Variants in SGCD observed in about 807,000 individuals in gnomAD.
The protein encoded by SGCD is sarcoglycan delta, also known as delta-sarcoglycan.
SGCD carries 18 observed loss-of-function variants against 36.6 expected under a neutral mutation model. The observed-to-expected ratio is 0.49, with a 90% CI of 0.34 to 0.73. SGCD has a LOEUF of 0.73. Among genes scored for constraint, SGCD ranks in the 30% least tolerant of loss-of-function variants. SGCD has a pLI of 0.01. For missense variants in SGCD, 387 were observed against 346.7 expected (o/e 1.12, Z -0.92); for synonymous variants, 133 against 130.6 (o/e 1.02, Z -0.12).
At chr5:156,558,469 A>G (rs149349159) in intron 4 of SGCD, among the ~76,000 whole-genome samples, 251 of 152,192 alleles carry the variant, frequency 1.6e-3, no homozygotes, top group Middle Eastern at 3.4e-3. Context: ...CTCCTAAATT[A>G]CTACTTGCAT....
At chr5:156,047,622 C>A (rs1308300178) in intron 1 of SGCD, among the ~76,000 whole-genome samples, 1 of 152,074 alleles carries the variant, frequency 6.6e-6, no homozygotes, top group Non-Finnish European at 1.5e-5. Flanking sequence ...ATATTTTAAG[C>A]CTGCTGCTAA....
At chr5:156,190,531 A>T (rs1763864711) in intron 3 of SGCD, among the ~76,000 whole-genome samples, 1 of 152,162 alleles carries the variant, frequency 6.6e-6, no homozygotes, top group South Asian at 2.1e-4. Flanking sequence ...AACTTCTCCA[A>T]ATCAATAATA....
chr5:156,086,898 T>G (rs1761109916), intron 1 of SGCD, among the ~76,000 whole-genome samples: 1 of 152,248 alleles, frequency 6.6e-6, no homozygotes, highest in African/African-American at 2.4e-5. Context: ...ATAGTGGATA[T>G]GCATTCTGGC....
chr5:156,621,952 C>T (rs973671046), intron 6 of SGCD, among the ~76,000 whole-genome samples: 2 of 152,108 alleles, frequency 1.3e-5, no homozygotes, highest in Non-Finnish European at 2.9e-5. Flanking sequence ...GACAAATAGG[C>T]AAGTTCCCCA....
intron 3 of SGCD, among the ~76,000 whole-genome samples, chr5:156,258,316 T>C (rs1765765011): frequency 6.6e-6 from 1 of 152,182 alleles, no homozygotes; most frequent in South Asian, 2.1e-4. Context: ...GGAAGACCCA[T>C]ATAACTCAGA....
intron 1 of SGCD, among the ~76,000 whole-genome samples, chr5:156,021,116 G>A (rs1221382593): frequency 6.6e-6 from 1 of 152,062 alleles, no homozygotes; most frequent in Non-Finnish European, 1.5e-5. Flanking sequence ...AATACCAATG[G>A]TTCCACTAAT....
At chr5:155,831,459 T>A in the SGCD span, among the ~76,000 whole-genome samples, 1 of 152,230 alleles carries the variant, frequency 6.6e-6, no homozygotes, top group East Asian at 1.9e-4. Context: ...ATTGTCAGAT[T>A]TTTAGGAGAA....
the SGCD span, among the ~76,000 whole-genome samples, chr5:155,845,758 G>A: frequency 6.6e-6 from 1 of 152,170 alleles, no homozygotes; most frequent in Non-Finnish European, 1.5e-5. Context: ...CCTGGGAGGT[G>A]GAGGCTAGGA....
chr5:155,993,427 C>T (rs903504692), intron 1 of SGCD, among the ~76,000 whole-genome samples: 1 of 150,942 alleles, frequency 6.6e-6, no homozygotes, highest in Non-Finnish European at 1.5e-5. Flanking sequence ...TTACTGCAAC[C>T]TCTGCCTCCT....
At chr5:155,882,086 C>T (rs1755898875) in intron 1 of SGCD, among the ~76,000 whole-genome samples, 1 of 152,124 alleles carries the variant, frequency 6.6e-6, no homozygotes, top group Admixed American at 6.5e-5. Context: ...TACTTCCTCC[C>T]ATGAATCATA....
At chr5:156,177,423 G>C (rs1763501112) in intron 3 of SGCD, among the ~76,000 whole-genome samples, 1 of 152,132 alleles carries the variant, frequency 6.6e-6, no homozygotes, top group Admixed American at 6.5e-5. Flanking sequence ...CTGAAAAGTG[G>C]CTTTTGGGTT....
At chr5:156,584,529 C>T (rs1760413083) in intron 4 of SGCD, among the ~76,000 whole-genome samples, 1 of 152,228 alleles carries the variant, frequency 6.6e-6, no homozygotes. Flanking sequence ...GGCACATTCA[C>T]TACCACATGC....
At chr5:156,249,955 G>A (rs1473685804) in intron 3 of SGCD, among the ~76,000 whole-genome samples, 2 of 152,158 alleles carry the variant, frequency 1.3e-5, no homozygotes, top group African/African-American at 2.4e-5. Flanking sequence ...AAACATTCCT[G>A]GGCCATGTGC....
chr5:155,939,644 C>CAAAA, intron 1 of SGCD, among the ~76,000 whole-genome samples: 1 of 127,002 alleles, frequency 7.9e-6, no homozygotes, highest in Non-Finnish European at 1.7e-5. Flanking sequence ...GACTCTCTCT[C>CAAAA]AAAAAAAAAA....
intron 1 of SGCD, among the ~76,000 whole-genome samples, chr5:155,965,465 A>G (rs1757883939): frequency 6.6e-6 from 1 of 152,086 alleles, no homozygotes; most frequent in African/African-American, 2.4e-5. Flanking sequence ...TCTCACTTTA[A>G]TTCTTTGCAT....
chr5:156,652,611 C>T (rs1371310583), intron 7 of SGCD, among the ~76,000 whole-genome samples: 1 of 152,138 alleles, frequency 6.6e-6, no homozygotes, highest in African/African-American at 2.4e-5. Context: ...GCAAAGACTT[C>T]AGTACTGTGT....
intron 4 of SGCD, among the ~76,000 whole-genome samples, chr5:156,572,765 C>T (rs1364553151): frequency 6.6e-6 from 1 of 152,054 alleles, no homozygotes; most frequent in Non-Finnish European, 1.5e-5. Context: ...AAAAAATTTC[C>T]TCTTTTGACA....
intron 3 of SGCD, among the ~76,000 whole-genome samples, chr5:156,358,937 A>G (rs1769631728): frequency 6.6e-6 from 1 of 152,152 alleles, no homozygotes; most frequent in Non-Finnish European, 1.5e-5. Context: ...CAACTTTTCC[A>G]TGCTACCTTA....
intron 2 of SGCD, among the ~76,000 whole-genome samples, chr5:156,118,624 G>A (rs1581109401): frequency 6.6e-6 from 1 of 152,132 alleles, no homozygotes; most frequent in Non-Finnish European, 1.5e-5. Context: ...CTATAAATCA[G>A]CAATTAGCCC....
Sources: allele counts gnomAD v4.1 joint callset (sites outside exome capture counted in the v4.1 genomes callset), GRCh38; gene constraint gnomAD v4.1.1; transcripts MANE v1.5; gene names NCBI Gene and HGNC (gene_info 2026-07-23, HGNC 2026-07-21).